Variants in PRKD3 observed in about 807,000 individuals in gnomAD.
The protein encoded by PRKD3 is serine/threonine-protein kinase D3.
In PRKD3, 47 loss-of-function variants were observed where a neutral mutation model predicts 99.2. The observed-to-expected ratio is 0.47, with a 90% confidence interval of 0.38 to 0.60. PRKD3 has a LOEUF of 0.60. Among genes scored for constraint, PRKD3 ranks in the 20% least tolerant of loss-of-function variants. The pLI is 0.00. For missense variants in PRKD3, 1,019 were observed against 1,088.4 expected (o/e 0.94, Z 0.90); for synonymous variants, 392 against 355.4 (o/e 1.10, Z -1.16).
intron 12 of PRKD3, 133 bp from the exon 13 acceptor site, chr2:37,269,820 T>G: frequency 1.5e-6 from 1 of 661,256 alleles, no homozygotes; most frequent in South Asian, 2.4e-5. Context: ...GTGCAAACTA[T>G]TTTATGAAAA....
At chr2:37,276,699 A>C (rs1051064528) in intron 9 of PRKD3, among the ~76,000 whole-genome samples, 18 of 150,178 alleles carry the variant, frequency 1.2e-4, no homozygotes, top group African/African-American at 4.5e-4. Flanking sequence ...TAATTCTCCC[A>C]AAGTTTCTTC....
chr2:37,258,271 A>G (rs1399007449), intron 16 of PRKD3, among the ~76,000 whole-genome samples: 3 of 152,222 alleles, frequency 2.0e-5, no homozygotes, highest in South Asian at 4.1e-4. Flanking sequence ...TATGAATGAT[A>G]TTTGCTCAAA....
At chr2:37,278,224 CAA>C (rs772896444) in intron 8 of PRKD3, 28 of 203,614 alleles carry the variant, frequency 1.4e-4, no homozygotes, top group South Asian at 1.4e-3. Flanking sequence ...TGGAGGGCCA[CAA>C]AAAAAAAAAT....
At chr2:37,279,705 C>T in intron 8 of PRKD3, 41 bp downstream of exon 8, 1 of 1,520,004 alleles carries the variant, frequency 6.6e-7, no homozygotes, top group Non-Finnish European at 8.9e-7. Context: ...CCTGAACTGA[C>T]CTTGCATCTG....
intron 2 of PRKD3, among the ~76,000 whole-genome samples, chr2:37,298,438 G>C (rs974785693): frequency 5.3e-5 from 8 of 149,684 alleles, no homozygotes; most frequent in Non-Finnish European, 1.0e-4. Context: ...CAGATGTATA[G>C]TTTTCTTTCA....
At chr2:37,323,069 T>A (rs113838471) in intron 1 of PRKD3, among the ~76,000 whole-genome samples, 425 of 150,564 alleles carry the variant, frequency 2.8e-3, no homozygotes, top group Non-Finnish European at 4.5e-3. Context: ...ATTCGTAATT[T>A]AAAAAAATGT....
chr2:37,317,751 T>A (rs1418887179), intron 1 of PRKD3: 1 of 152,142 alleles, frequency 6.6e-6, no homozygotes, highest in Admixed American at 6.5e-5. Flanking sequence ...AAAGCTGACA[T>A]ACTTATCACA....
Position 37,279,737 on chromosome 2 carries a change from A to G in PRKD3, c.1172+9T>C. 2 of 1,608,052 alleles carry G rather than the reference A, an allele frequency of 1.2e-6. No individual in the cohort carries two copies. Among genetic ancestry groups the G allele is most frequent in the Non-Finnish European group, 1.7e-6 (2 of 1,177,228 alleles). ...TCTGGAAGTAGCTTGTAATATGTATATATATTACCTGATTGTTTTAACGGC... is the reference window on the plus strand; with the variant it reads ...TCTGGAAGTAGCTTGTAATATGTATGTATATTACCTGATTGTTTTAACGGC... On this transcript the variant is annotated intron_variant, in intron 8 of 18. Transcript: ENST00000234179.
At chr2:37,322,098 C>G (rs982521304) in intron 1 of PRKD3, among the ~76,000 whole-genome samples, 3 of 152,150 alleles carry the variant, frequency 2.0e-5, no homozygotes, top group Non-Finnish European at 4.4e-5. Flanking sequence ...GTCCACGCCT[C>G]TTGACATGTA....
Position 37,259,572 on chromosome 2 carries a change from G to C in PRKD3, c.2145+11C>G. Reference sequence around the variant, plus strand: ...CCAGAATCATTTAAAAGGTTCTGGAGAATATCTCACCTGAGGAAATGGCTC... The same window carrying C: ...CCAGAATCATTTAAAAGGTTCTGGACAATATCTCACCTGAGGAAATGGCTC... On this transcript the variant is annotated intron_variant, in intron 16 of 18. Coordinates refer to ENST00000234179, the MANE Select transcript of PRKD3 (RefSeq NM_005813.6). The C allele has an allele frequency of 1.3e-6, 2 of 1,593,600 alleles. No individual in the cohort carries two copies. The highest frequency in any genetic ancestry group is 1.1e-5 in the South Asian group (1 of 90,218).
rs1669449518 is a variant in PRKD3 at position 37,274,306 on chromosome 2, T to C, written c.1651+115A>G. The stretch of plus-strand genomic sequence containing the variant: ...ATTGTATTGGTTACTAAAGTATTGG[T>C]TACTAAAGACTAAGCTTAGGATGAA... On this transcript the variant is annotated intron_variant, in intron 11 of 18. Coordinates refer to ENST00000234179, the MANE Select transcript of PRKD3 (RefSeq NM_005813.6). 1.8e-5 allele frequency: 21 copies of C among 1,188,854 alleles called. No individual in the cohort carries two copies. In the South Asian group the frequency reaches 2.9e-4, roughly 16 times the overall value. 73.6% of individuals were successfully genotyped at this position (1,188,854 alleles called of 1,614,324 possible). A position where few individuals can be genotyped will look rare whatever the true frequency, so the allele number is the denominator to read the frequency against.
chr2:37,261,502 C>A (rs890520098), intron 14 of PRKD3, among the ~76,000 whole-genome samples: 3 of 143,236 alleles, frequency 2.1e-5, no homozygotes, highest in Non-Finnish European at 4.6e-5. Context: ...AAAAAAAGGC[C>A]GGGCGCGGTG....
At chr2:37,298,366 CTTT>C (rs765332373) in intron 2 of PRKD3, among the ~76,000 whole-genome samples, 3 of 151,652 alleles carry the variant, frequency 2.0e-5, no homozygotes, top group Non-Finnish European at 4.4e-5. Context: ...GCAGCTTGCT[CTTT>C]TTTTCACTTA....
intron 10 of PRKD3, 26 bp downstream of exon 10, chr2:37,275,741 T>C: frequency 1.3e-6 from 2 of 1,576,134 alleles, no homozygotes; most frequent in Non-Finnish European, 1.7e-6. Flanking sequence ...TTAATGCTTA[T>C]ATTTTTTAAA....
At chr2:37,255,572 G>A (rs1667865080) in intron 17 of PRKD3, among the ~76,000 whole-genome samples, 1 of 152,172 alleles carries the variant, frequency 6.6e-6, no homozygotes, top group Non-Finnish European at 1.5e-5. Flanking sequence ...CCACAGGAGA[G>A]AGGAAAACAA....
chr2:37,285,483 C>T (rs887582368), intron 6 of PRKD3, among the ~76,000 whole-genome samples: 2 of 151,756 alleles, frequency 1.3e-5, no homozygotes, highest in African/African-American at 2.4e-5. Context: ...TGATTATTCT[C>T]GGGAATGACA....
chr2:37,280,074 T>G, intron 7 of PRKD3, 145 bp from the exon 8 acceptor site: 1 of 562,548 alleles, frequency 1.8e-6, no homozygotes, highest in Non-Finnish European at 2.9e-6. Flanking sequence ...TTTTTTGAGA[T>G]AGAGTTTCAC....
At chr2:37,261,172 A>C (rs1668409497) in intron 14 of PRKD3, among the ~76,000 whole-genome samples, 1 of 152,204 alleles carries the variant, frequency 6.6e-6, no homozygotes, top group African/African-American at 2.4e-5. Flanking sequence ...CCAAGTGCTT[A>C]AACAATTTTT....
At position 37,272,378 on chromosome 2, in the gene PRKD3, AC is replaced by A; in HGVS notation, c.1704+1del. Reference sequence around the variant, plus strand: ...TACACATTAGCTATAACGATTACTTACCACATTCTCCTGAATCTGACAATTA... The same window carrying A: ...TACACATTAGCTATAACGATTACTTACACATTCTCCTGAATCTGACAATTA... On this transcript the variant is annotated splice_donor_variant, in intron 12 of 18. Coordinates refer to ENST00000234179, the MANE Select transcript of PRKD3 (RefSeq NM_005813.6). LOFTEE classifies it high-confidence loss of function. 1 of 1,605,638 alleles carries A rather than the reference AC, an allele frequency of 6.2e-7. No homozygotes were observed. The highest frequency in any genetic ancestry group is 8.5e-7 in the Non-Finnish European group (1 of 1,177,688).
Sources: gnomAD v4.1 joint callset for allele counts (sites outside exome capture counted in the v4.1 genomes callset) on GRCh38, gnomAD v4.1.1 for gene constraint, MANE v1.5 for transcripts, NCBI Gene and HGNC (gene_info 2026-07-23, HGNC 2026-07-21) for gene names.